The following KALRN variants were observed in gnomAD, a reference collection of about 807,000 sequenced individuals.
The protein encoded by KALRN is kalirin.
Under a neutral mutation model 353.7 loss-of-function variants are expected in KALRN, and 70 were observed. That is an observed-to-expected ratio of 0.20 (90% confidence interval 0.16 to 0.24). The LOEUF is 0.24. Ranked by LOEUF, KALRN falls within the 10% of genes least tolerant of loss-of-function variation. The probability of loss-of-function intolerance (pLI) is 1.00; values close to 1 mark genes in which losing one functional copy is unlikely to be tolerated. For synonymous variants in KALRN, 1,391 were observed against 1,434.8 expected (o/e 0.97, Z 0.69); for missense variants, 2,791 against 3,756.7 (o/e 0.74, Z 6.72).
chr3:124,490,641 C>A lies in KALRN; in HGVS notation c.4397-53C>A. 1.9e-6 allele frequency: 3 copies of A among 1,549,192 alleles called. No individual in the cohort carries two copies. In the South Asian group the frequency reaches 3.5e-5, roughly 18 times the overall value. On this transcript the variant is annotated intron_variant, in intron 29 of 59. Transcript: ENST00000682506. ...TCCAAGAGGGGGGTGGAACATGGCC[C>A]CCTGACTGTGGCAGTAGAGAAACTC...
chr3:124,058,692 T>C (rs2041761948), intron 1 of KALRN, among the ~76,000 whole-genome samples: 1 of 152,222 alleles, frequency 6.6e-6, no homozygotes, highest in African/African-American at 2.4e-5. Flanking sequence ...TTACTAGAAT[T>C]GATCCAGCCC....
intron 1 of KALRN, among the ~76,000 whole-genome samples, chr3:124,104,762 G>A (rs2062145953): frequency 6.6e-6 from 1 of 152,150 alleles, no homozygotes; most frequent in Admixed American, 6.5e-5. Flanking sequence ...GGATCACAGA[G>A]GACAGAACAG....
intron 4 of KALRN, 71 bp from the exon 5 acceptor site, chr3:124,268,672 C>T: frequency 6.7e-7 from 1 of 1,493,922 alleles, no homozygotes; most frequent in Non-Finnish European, 9.2e-7. Context: ...TTGTCCTTTC[C>T]CTCATCCTAT....
At chr3:124,520,410 G>C (rs1179256003) in intron 33 of KALRN, among the ~76,000 whole-genome samples, 1 of 152,040 alleles carries the variant, frequency 6.6e-6, no homozygotes, top group African/African-American at 2.4e-5. Flanking sequence ...ATCTCTGAAG[G>C]TAGATATTTT....
rs774811959 is a variant in KALRN, at chr3:124,334,261, G to T, written c.1417-4G>T. ...CTTAACTTAAACTTCTCTCTTTCCT[G>T]CAGGTCAGCCAGGATGGCAAAGCAC... On this transcript the variant is annotated splice_region_variant and splice_polypyrimidine_tract_variant and intron_variant, in intron 8 of 59. Coordinates refer to ENST00000682506, the MANE Select transcript of KALRN (RefSeq NM_001388419.1). This position sits in a 1 kb window ranked among gnomAD's most constrained non-coding sequence, Gnocchi z 4.2. 20 of 1,613,272 alleles carry T rather than the reference G, an allele frequency of 1.2e-5. No individual in the cohort carries two copies. Among genetic ancestry groups the T allele is most frequent in the African/African-American group, 5.3e-5 (4 of 74,934 alleles).
chr3:124,540,402 C>G (rs990530021), intron 33 of KALRN, among the ~76,000 whole-genome samples: 1 of 152,066 alleles, frequency 6.6e-6, no homozygotes. Context: ...AGAAATCTGT[C>G]GTGTAGCCAG....
intron 3 of KALRN, among the ~76,000 whole-genome samples, chr3:124,258,886 A>T (rs7650064): frequency 7.7e-4 from 117 of 152,368 alleles, no homozygotes; most frequent in African/African-American, 2.8e-3. Context: ...TCCATCAAGG[A>T]TGGTTGAGTA....
intron 1 of KALRN, chr3:124,153,194 G>A (rs1306923179): frequency 6.6e-6 from 1 of 150,948 alleles, no homozygotes; most frequent in East Asian, 1.9e-4. Flanking sequence ...GTACACATGT[G>A]CCATGCTGGT....
At chr3:124,529,486 G>A (rs2067863823) in intron 33 of KALRN, among the ~76,000 whole-genome samples, 1 of 152,082 alleles carries the variant, frequency 6.6e-6, no homozygotes, top group Admixed American at 6.5e-5. Flanking sequence ...CCAGAATCGA[G>A]GGCCAGGGTC....
chr3:124,571,300 G>A (rs942100443), intron 34 of KALRN, among the ~76,000 whole-genome samples: 1 of 152,210 alleles, frequency 6.6e-6, no homozygotes, highest in African/African-American at 2.4e-5. Flanking sequence ...TAAAGTGATT[G>A]TTTGTGTTTA....
chr3:124,488,392 G>A (rs779314638), intron 29 of KALRN, 77 bp downstream of exon 29: 2 of 968,738 alleles, frequency 2.1e-6, no homozygotes, highest in East Asian at 2.4e-5. Flanking sequence ...GAGGGAAGTG[G>A]CATGAAGTTA....
At chr3:124,069,071 C>A (rs1388127479) in intron 1 of KALRN, among the ~76,000 whole-genome samples, 1 of 152,136 alleles carries the variant, frequency 6.6e-6, no homozygotes, top group Non-Finnish European at 1.5e-5. Flanking sequence ...TTATTGAATA[C>A]CCTCCACACG....
rs528783761 is a variant in KALRN, at chr3:124,376,575, A to G, written c.1771-8270A>G. On this transcript the variant is annotated intron_variant, in intron 10 of 59. Coordinates refer to ENST00000682506, the MANE Select transcript of KALRN (RefSeq NM_001388419.1). ...GATGAAAACTGAAAAGCATTTTTCTATATCACCCTCCTTAATCATAGACAA... is the reference window on the plus strand; with the variant it reads ...GATGAAAACTGAAAAGCATTTTTCTGTATCACCCTCCTTAATCATAGACAA... Among the ~76,000 whole-genome samples the G allele has an allele frequency of 2.6e-5, 4 of 152,354 alleles. No individual in the cohort carries two copies. The South Asian group carries it at 6.2e-4, about 24-fold the overall frequency.
chr3:124,119,909 C>A (rs1277159319), intron 1 of KALRN, among the ~76,000 whole-genome samples: 2 of 152,100 alleles, frequency 1.3e-5, no homozygotes, highest in Non-Finnish European at 2.9e-5. Context: ...GATGCCATTC[C>A]TGGGCTGCTG....
rs58694397 is a variant in KALRN at position 124,287,770 on chromosome 3, G to GATATATAT, written c.970-10972_970-10965dup. Among the ~76,000 whole-genome samples, 16 of 114,598 alleles carry GATATATAT rather than the reference G, an allele frequency of 1.4e-4. 1 individual carries two copies. The highest frequency in any genetic ancestry group is 2.9e-4 in the Admixed American group (3 of 10,324). 75.2% of individuals were successfully genotyped at this position (114,598 alleles called of 152,430 possible). ...GAAAATCAATGGTAGGGCCTAGGAA[G>GATATATAT]ATATATATATATATATATATATATA... On this transcript the variant is annotated intron_variant, in intron 5 of 59. Transcript: ENST00000682506.
chr3:124,624,348 AGTT>A (rs1286399363), intron 34 of KALRN, among the ~76,000 whole-genome samples: 2 of 152,200 alleles, frequency 1.3e-5, no homozygotes, highest in Non-Finnish European at 2.9e-5. Flanking sequence ...TTTCATTATT[AGTT>A]GTTGTTGTTA....
intron 1 of KALRN, among the ~76,000 whole-genome samples, chr3:124,133,919 G>A (rs181105989): frequency 6.6e-6 from 1 of 152,246 alleles, no homozygotes; most frequent in African/African-American, 2.4e-5. Context: ...GCTCATGGAT[G>A]GGTAGAATCA....
At chr3:124,522,423 T>G (rs2067239397) in intron 33 of KALRN, among the ~76,000 whole-genome samples, 1 of 152,104 alleles carries the variant, frequency 6.6e-6, no homozygotes, top group East Asian at 1.9e-4. Flanking sequence ...TAGCTCTGAA[T>G]AGCCAGCATA....
chr3:124,347,666 C>G (rs769853207), intron 10 of KALRN, among the ~76,000 whole-genome samples: 6 of 152,082 alleles, frequency 3.9e-5, no homozygotes, highest in Non-Finnish European at 8.8e-5. Context: ...CACCCCAGGG[C>G]TACTGCTTAT....
Sources: allele counts gnomAD v4.1 joint callset (sites outside exome capture counted in the v4.1 genomes callset), GRCh38; gene constraint gnomAD v4.1.1; non-coding constraint Gnocchi (gnomAD v3.1); transcripts MANE v1.5; gene names NCBI Gene and HGNC (gene_info 2026-07-23, HGNC 2026-07-21).